The following STK32A variants were observed in gnomAD, a reference collection of about 807,000 sequenced individuals.
STK32A encodes the protein serine/threonine kinase 32A, also known as serine/threonine-protein kinase 32A.
In STK32A, 41 loss-of-function variants were observed where a neutral mutation model predicts 53.2. The observed-to-expected ratio is 0.77, with a 90% CI of 0.60 to 1.00. STK32A has a LOEUF of 1.00. Ranked by LOEUF, STK32A falls within the 50% of genes least tolerant of loss-of-function variation. The pLI is 0.00. For missense variants in STK32A, 458 were observed against 485.8 expected (o/e 0.94, Z 0.54); for synonymous variants, 166 against 162.8 (o/e 1.02, Z -0.15).
intron 5 of STK32A, among the ~76,000 whole-genome samples, chr5:147,331,680 C>T (rs1229520674): frequency 6.6e-6 from 1 of 152,142 alleles, no homozygotes; most frequent in Non-Finnish European, 1.5e-5. Flanking sequence ...TAGAATGAGG[C>T]CATTAGTGTA....
chr5:147,257,692 G>C (rs1433311393), intron 2 of STK32A, among the ~76,000 whole-genome samples: 3 of 151,972 alleles, frequency 2.0e-5, no homozygotes, highest in South Asian at 2.1e-4. Context: ...CACAAGGTAG[G>C]GTCCTTCCCA....
intron 2 of STK32A, among the ~76,000 whole-genome samples, chr5:147,250,714 A>T (rs1753950858): frequency 6.6e-6 from 1 of 152,144 alleles, no homozygotes; most frequent in African/African-American, 2.4e-5. Context: ...GGCCGAGGTG[A>T]GCAGATCACA....
At chr5:147,340,100 G>T (rs764848044) in intron 5 of STK32A, among the ~76,000 whole-genome samples, 7 of 152,308 alleles carry the variant, frequency 4.6e-5, no homozygotes, top group Admixed American at 2.6e-4. Context: ...CTTTTAGCAT[G>T]CTCATGTATT....
chr5:147,361,582 G>A lies in STK32A; in HGVS notation c.628G>A (p.Gly210Arg). The A allele has an allele frequency of 6.2e-7, 1 of 1,613,446 alleles. No homozygotes were observed. Among genetic ancestry groups the A allele is most frequent in the South Asian group, 1.1e-5 (1 of 90,932 alleles). ...CTTTGCTGTTGACTGGTGGTCCCTG[G>A]GAGTGACGGCATATGAACTGCTGAG... ...YSFAVDWWSL[G>R]VTAYELLRGR... The change falls in exon 8 of 13, where the codon GGA (glycine) becomes AGA (arginine). Residue 210 changes from glycine to arginine, a missense_variant. Coordinates refer to ENST00000397936, the MANE Select transcript of STK32A (RefSeq NM_001112724.2).
intron 5 of STK32A, among the ~76,000 whole-genome samples, chr5:147,331,042 T>G (rs1754845060): frequency 6.6e-6 from 1 of 152,186 alleles, no homozygotes; most frequent in African/African-American, 2.4e-5. Context: ...AAATAAGACA[T>G]TTCTGCAGCT....
At chr5:147,357,846 C>T (rs1427608198) in intron 7 of STK32A, among the ~76,000 whole-genome samples, 1 of 151,934 alleles carries the variant, frequency 6.6e-6, no homozygotes, top group East Asian at 1.9e-4. Context: ...TTAAATAAGT[C>T]CCTTTCCATG....
In STK32A at chr5:147,373,293, A is replaced by C; in HGVS notation, c.902A>C (p.Asn301Thr). 6.2e-7 allele frequency: 1 copy of C among 1,613,144 alleles called. No homozygotes were observed. Among genetic ancestry groups the C allele is most frequent in the Non-Finnish European group, 8.5e-7 (1 of 1,179,420 alleles). ...AGGCTCATTCCAGGTTTCATTCCTA[A>C]TGTGAGTCAATCCTAACAAAGCCAA... is the stretch of plus-strand genomic sequence containing the variant. ...QKRLIPGFIP[N>T]KGRLNCDPTF... The change falls in exon 10 of 13, where the codon AAT (asparagine) becomes ACT (threonine). Residue 301 changes from asparagine to threonine, a missense_variant and splice_region_variant. Asn to Thr is a moderately conservative substitution (Grantham distance 65). Transcript: ENST00000397936.
At chr5:147,320,551 A>T (rs1754261891) in intron 4 of STK32A, among the ~76,000 whole-genome samples, 1 of 152,204 alleles carries the variant, frequency 6.6e-6, no homozygotes. Context: ...ATGCATCCTG[A>T]GATATACTGG....
chr5:147,286,481 G>T (rs985862596), intron 4 of STK32A, among the ~76,000 whole-genome samples: 8 of 152,070 alleles, frequency 5.3e-5, no homozygotes, highest in African/African-American at 1.9e-4. Flanking sequence ...TTACACCCTG[G>T]TTTTTCAGGT....
intron 8 of STK32A, among the ~76,000 whole-genome samples, chr5:147,364,804 A>C (rs1756672440): frequency 6.6e-6 from 1 of 152,112 alleles, no homozygotes; most frequent in African/African-American, 2.4e-5. Context: ...TTACCTCCCA[A>C]GGGCTTCATC....
chr5:147,348,395 C>T (rs1278827316), intron 6 of STK32A, among the ~76,000 whole-genome samples: 1 of 152,190 alleles, frequency 6.6e-6, no homozygotes, highest in Admixed American at 6.5e-5. Context: ...ACCTGGAAGG[C>T]TTATTTAAAT....
intron 2 of STK32A, among the ~76,000 whole-genome samples, chr5:147,249,931 A>AAAAAC (rs1753913417): frequency 2.0e-5 from 3 of 151,112 alleles, no homozygotes; most frequent in African/African-American, 7.3e-5. Flanking sequence ...AAAAAAAAAA[A>AAAAAC]AGTGGCCTCA....
chr5:147,321,855 A>G (rs1221573991), intron 4 of STK32A, among the ~76,000 whole-genome samples: 1 of 152,088 alleles, frequency 6.6e-6, no homozygotes, highest in South Asian at 2.1e-4. Context: ...AATTATTTTT[A>G]TGGTTAGTAC....
intron 8 of STK32A, among the ~76,000 whole-genome samples, chr5:147,362,459 C>T (rs545446884): frequency 4.9e-4 from 75 of 152,274 alleles, no homozygotes; most frequent in African/African-American, 1.7e-3. Flanking sequence ...GAGGGACCTA[C>T]CCCCATAAAC....
At position 147,384,269 on chromosome 5, in the gene STK32A, C is replaced by G. The variant is rs1035659634; in HGVS notation, c.*286C>G. The G allele has an allele frequency of 1.5e-6, 2 of 1,342,376 alleles. No individual in the cohort carries two copies. Among genetic ancestry groups the G allele is most frequent in the African/African-American group, 3.0e-5 (2 of 67,102 alleles). The allele number at this position is 1,342,376 out of a possible 1,614,324, so 83.2% of individuals were successfully genotyped here. ...AGAGGGTTATACTAGACGAGCCATACCCTGCCTTTTTAGTGCTATAGTTGT... is the reference window on the plus strand; with the variant it reads ...AGAGGGTTATACTAGACGAGCCATAGCCTGCCTTTTTAGTGCTATAGTTGT... On this transcript the variant is annotated 3_prime_UTR_variant, in exon 13 of 13. Coordinates refer to ENST00000397936, the MANE Select transcript of STK32A (RefSeq NM_001112724.2).
chr5:147,378,404 G>A (rs770489117), intron 11 of STK32A, among the ~76,000 whole-genome samples: 8 of 152,062 alleles, frequency 5.3e-5, no homozygotes, highest in Non-Finnish European at 1.0e-4. Context: ...CTGATCATAG[G>A]AATTACCCAT....
intron 6 of STK32A, among the ~76,000 whole-genome samples, chr5:147,344,255 C>T (rs1755577243): frequency 6.6e-6 from 1 of 152,148 alleles, no homozygotes; most frequent in Non-Finnish European, 1.5e-5. Context: ...TTTCCTGATC[C>T]CACCTGTGCT....
chr5:147,296,600 G>A (rs539080560), intron 4 of STK32A, among the ~76,000 whole-genome samples: 1 of 152,256 alleles, frequency 6.6e-6, no homozygotes, highest in South Asian at 2.1e-4. Flanking sequence ...CTCTTAGTGT[G>A]CATGCTTGAG....
At chr5:147,278,490 C>A (rs983167863) in intron 3 of STK32A, among the ~76,000 whole-genome samples, 3 of 152,176 alleles carry the variant, frequency 2.0e-5, no homozygotes, top group African/African-American at 7.2e-5. Context: ...TTTTCAGATT[C>A]TACCAGCTGT....
Sources: gnomAD v4.1 joint callset for allele counts (sites outside exome capture counted in the v4.1 genomes callset) on GRCh38, gnomAD v4.1.1 for gene constraint, MANE v1.5 for transcripts, NCBI Gene and HGNC (gene_info 2026-07-23, HGNC 2026-07-21) for gene names.